ASCC3: variants seen among roughly 807,000 people sequenced by gnomAD.
ASCC3 encodes activating signal cointegrator 1 complex subunit 3, also known as ASC-1 complex subunit P200.
Under a neutral mutation model 256.3 loss-of-function variants are expected in ASCC3, and 158 were observed. That is an observed-to-expected ratio of 0.62 (90% confidence interval 0.54 to 0.70). The LOEUF (loss-of-function observed/expected upper bound fraction) is 0.70, where lower values mean the gene tolerates loss of function less well. Ranked by LOEUF, ASCC3 falls within the 30% of genes least tolerant of loss-of-function variation. The pLI, the probability that ASCC3 is intolerant of heterozygous loss-of-function variation, is 0.00. For missense variants in ASCC3, 2,259 were observed against 2,626.0 expected, an observed-to-expected ratio of 0.86 and a Z score of 3.05; for synonymous variants, 948 against 883.4, an observed-to-expected ratio of 1.07 and a Z score of -1.30.
chr6:100,784,984 CA>C (rs1471429870), intron 8 of ASCC3, among the ~76,000 whole-genome samples: 1 of 151,560 alleles, frequency 6.6e-6, no homozygotes, highest in African/African-American at 2.4e-5. Context: ...TTACAAACAC[CA>C]AATTTCTAAT....
At chr6:100,635,191 G>A (rs1562185495) in intron 25 of ASCC3, among the ~76,000 whole-genome samples, 1 of 151,406 alleles carries the variant, frequency 6.6e-6, no homozygotes, top group African/African-American at 2.4e-5. Context: ...ATATATATAT[G>A]TGTGTGTGTA....
intron 8 of ASCC3, among the ~76,000 whole-genome samples, chr6:100,769,276 G>C (rs898120836): frequency 1.3e-5 from 2 of 151,962 alleles, no homozygotes; most frequent in African/African-American, 4.8e-5. Flanking sequence ...GTTATAGTTA[G>C]ACAGGAAGAT....
At chr6:100,733,625 A>G (rs1367076083) in intron 10 of ASCC3, among the ~76,000 whole-genome samples, 1 of 152,178 alleles carries the variant, frequency 6.6e-6, no homozygotes, top group Non-Finnish European at 1.5e-5. Flanking sequence ...TACCCTGTCT[A>G]AGGTATTCTG....
intron 36 of ASCC3, among the ~76,000 whole-genome samples, chr6:100,554,004 G>A (rs1481795011): frequency 1.3e-5 from 2 of 152,090 alleles, no homozygotes; most frequent in Admixed American, 1.3e-4. Flanking sequence ...GGCAAAATCT[G>A]TACAGCTAAA....
In ASCC3 at chr6:100,765,224, G is replaced by C. The variant is rs7753184; in HGVS notation, c.1737+1341C>G. ...AAGACAGTTGTTTTAAGCCACTGTA[G>C]ACCAATGATAAAATTCTAAGCCCCC... On this transcript the variant is annotated intron_variant, in intron 10 of 41. Transcript: ENST00000369162. Among the ~76,000 whole-genome samples the C allele has an allele frequency of 5.2e-3, 793 of 152,196 alleles. 8 individuals carry two copies. The highest frequency in any genetic ancestry group is 0.018 in the African/African-American group (763 of 41,524).
At chr6:100,585,766 T>A (rs149406539) in intron 36 of ASCC3, among the ~76,000 whole-genome samples, 2,507 of 152,230 alleles carry the variant, frequency 0.016, 61 homozygotes, top group African/African-American at 0.057. Flanking sequence ...TTGGTATGGA[T>A]GTCCTTTCTG....
At position 100,607,008 on chromosome 6, in the gene ASCC3, T is replaced by G. The variant is rs767162992; in HGVS notation, c.4866A>C (p.Gly1622=). Residue 1622 remains glycine (G), a synonymous_variant, in exon 31 of 42, where the codon GGA becomes GGC. Coordinates refer to ENST00000369162, the MANE Select transcript of ASCC3 (RefSeq NM_006828.4). The part of the protein sequence containing the change: ...LAFGIGMHHA[G]LHERDRKTVE... ...CTGTTTTTCGGTCCCTCTCATGTAG[T>G]CCAGCATGATGCATTCCTATCCCGA... 3.7e-6 allele frequency: 6 copies of G among 1,613,714 alleles called. No individual in the cohort carries two copies.
chr6:100,864,832 G>C (rs978455632), intron 2 of ASCC3, among the ~76,000 whole-genome samples: 4 of 152,110 alleles, frequency 2.6e-5, no homozygotes, highest in African/African-American at 9.7e-5. Flanking sequence ...TCAAGGTGTT[G>C]GCAGGTTTGG....
chr6:100,592,472 A>G (rs1259483976), intron 34 of ASCC3, among the ~76,000 whole-genome samples: 2 of 152,062 alleles, frequency 1.3e-5, no homozygotes, highest in African/African-American at 2.4e-5. Context: ...TTATAAAAGT[A>G]AGATATTGTT....
intron 6 of ASCC3, 106 bp from the exon 7 acceptor site, chr6:100,799,678 T>C (rs1769817340): frequency 2.1e-5 from 25 of 1,215,096 alleles, no homozygotes; most frequent in Non-Finnish European, 2.9e-5. Flanking sequence ...CCTTCCACCA[T>C]AAAAAAGAAA....
intron 36 of ASCC3, among the ~76,000 whole-genome samples, chr6:100,568,535 T>G (rs189690961): frequency 6.6e-6 from 1 of 152,086 alleles, no homozygotes; most frequent in Admixed American, 6.5e-5. Flanking sequence ...CATTTTTAAA[T>G]AGAGTTATTT....
chr6:100,511,576 C>A (rs1431579961), intron 40 of ASCC3, among the ~76,000 whole-genome samples: 1 of 151,888 alleles, frequency 6.6e-6, no homozygotes, highest in Non-Finnish European at 1.5e-5. Context: ...ACTAAAAATA[C>A]AAAAAATTAG....
At chr6:100,640,088 C>T (rs117910413) in intron 24 of ASCC3, among the ~76,000 whole-genome samples, 2,343 of 152,088 alleles carry the variant, frequency 0.015, 24 homozygotes, top group East Asian at 0.045. Flanking sequence ...TCACTTCAGC[C>T]TGGGTGAAAG....
chr6:100,515,804 A>G (rs1451940926), intron 39 of ASCC3, among the ~76,000 whole-genome samples: 1 of 152,204 alleles, frequency 6.6e-6, no homozygotes, highest in Non-Finnish European at 1.5e-5. Context: ...AGGCTAGGAT[A>G]ATGCAGACGA....
Position 100,864,207 on chromosome 6 carries a change from C to T in ASCC3, c.98G>A (p.Arg33Gln), listed in dbSNP as rs772062720. 3.1e-5 allele frequency: 49 copies of T among 1,601,370 alleles called. No homozygotes were observed. In the East Asian group the frequency reaches 8.5e-4, roughly 28 times the overall value. Residue 33 changes from arginine (R) to glutamine (Q), a missense_variant, in exon 3 of 42, where the codon CGA becomes CAA. Around this residue, in one of 2 missense-constraint regions of ASCC3, gnomAD observed 420 missense variants for 419.3 expected, o/e 1.00. Transcript: ENST00000369162. ...TAAAACTTGTTCATGAAGTTTAGATCGCTTTATCTGAAACAGAGATTATAA... is the reference window on the plus strand; with the variant it reads ...TAAAACTTGTTCATGAAGTTTAGATTGCTTTATCTGAAACAGAGATTATAA... ...NEEVADLKIK[R>Q]SKLHEQVLDL...
At chr6:100,872,080 T>C (rs1773768393) in intron 1 of ASCC3, among the ~76,000 whole-genome samples, 1 of 152,202 alleles carries the variant, frequency 6.6e-6, no homozygotes, top group Non-Finnish European at 1.5e-5. Flanking sequence ...AAACTAAACA[T>C]ACTCTGCCTC....
At chr6:100,808,594 G>T (rs897185233) in intron 4 of ASCC3, among the ~76,000 whole-genome samples, 3 of 151,786 alleles carry the variant, frequency 2.0e-5, no homozygotes, top group African/African-American at 7.2e-5. Context: ...ATATTAAAAA[G>T]ATTGCAAAAA....
At chr6:100,825,736 C>T (rs1432407656) in intron 4 of ASCC3, among the ~76,000 whole-genome samples, 1 of 152,150 alleles carries the variant, frequency 6.6e-6, no homozygotes, top group Non-Finnish European at 1.5e-5. Flanking sequence ...CTTTCAGGTA[C>T]ACCAATCAAA....
chr6:100,696,811 A>G (rs917089719), intron 13 of ASCC3, among the ~76,000 whole-genome samples: 7 of 152,112 alleles, frequency 4.6e-5, no homozygotes, highest in African/African-American at 1.4e-4. Context: ...TAACGAAAGT[A>G]TGATGTATTT....
Sources: gnomAD v4.1 joint callset for allele counts (sites outside exome capture counted in the v4.1 genomes callset) on GRCh38, gnomAD v4.1.1 for gene constraint, gnomAD v4.1.1 regional missense constraint, MANE v1.5 for transcripts, NCBI Gene and HGNC (gene_info 2026-07-23, HGNC 2026-07-21) for gene names.